Variants in COL4A5 observed in about 807,000 individuals in gnomAD.
COL4A5 encodes the protein collagen type IV alpha 5 chain.
In COL4A5, 26 loss-of-function variants were observed where a neutral mutation model predicts 130.2. The ratio of observed to expected loss-of-function variants is 0.20; its 90% confidence interval spans 0.15 to 0.28. The LOEUF (loss-of-function observed/expected upper bound fraction) is 0.28. Among genes scored for constraint, COL4A5 ranks in the 10% least tolerant of loss-of-function variants. COL4A5 has a pLI of 1.00. For missense variants in COL4A5, 1,131 were observed against 1,344.3 expected (o/e 0.84, Z 2.48); for synonymous variants, 496 against 439.6 (o/e 1.13, Z -1.60).
chrX:108,524,032 A>C (rs2065289800), intron 1 of COL4A5, among the ~76,000 whole-genome samples: 1 of 111,650 alleles, frequency 9.0e-6, no homozygotes, highest in Non-Finnish European at 1.9e-5. Context: ...TCTTTTTGAT[A>C]TGGATGGTTT....
At chrX:108,584,745 G>C (rs1238920606) in intron 18 of COL4A5, among the ~76,000 whole-genome samples, 1 of 110,477 alleles carries the variant, frequency 9.1e-6, no homozygotes, top group East Asian at 2.9e-4. Flanking sequence ...GCATGGTAAA[G>C]GTCTAAAATT....
chrX:108,597,458 A>G lies in COL4A5; in HGVS notation c.1669A>G (p.Lys557Glu). Reference protein sequence around the residue: ...PGDILTFPGMKGDKGELGSPG... With the variant: ...PGDILTFPGMEGDKGELGSPG... The stretch of plus-strand genomic sequence containing the variant: ...TGATATCCTCACTTTTCCAGGAATG[A>G]AGGGTGACAAAGGAGAGTTGGGTTC... The change falls in exon 24 of 53, where the codon AAG (lysine) becomes GAG (glutamate). Residue 557 changes from lysine (K) to glutamate (E), a missense_variant. Physicochemically the swap from Lys to Glu is moderately conservative, Grantham distance 56 (BLOSUM62 1). Coordinates refer to ENST00000328300, the MANE Select transcript of COL4A5 (RefSeq NM_033380.3). 8.3e-7 allele frequency: 1 copy of G among 1,209,898 alleles called. No individual in the cohort carries two copies. Among genetic ancestry groups the G allele is most frequent in the Non-Finnish European group, 1.1e-6 (1 of 894,493 alleles).
intron 2 of COL4A5, among the ~76,000 whole-genome samples, chrX:108,548,748 C>T (rs2065705427): frequency 3.6e-5 from 4 of 110,839 alleles, no homozygotes; most frequent in South Asian, 3.8e-4. Flanking sequence ...AAATTTACAC[C>T]GTGTATAGTG....
chrX:108,669,114 G>T (rs965719524), intron 41 of COL4A5, among the ~76,000 whole-genome samples: 3 of 112,069 alleles, frequency 2.7e-5, no homozygotes, highest in African/African-American at 9.7e-5. Context: ...CACTGCTCTA[G>T]TAGTCTCAGT....
intron 37 of COL4A5, among the ~76,000 whole-genome samples, chrX:108,663,429 A>C (rs771028393): frequency 2.7e-5 from 3 of 112,034 alleles, no homozygotes; most frequent in Non-Finnish European, 5.6e-5. Context: ...ATGGAATGGA[A>C]GATCAAAATT....
chrX:108,439,865 AG>A lies in COL4A5; in HGVS notation c.-260del. On this transcript the variant is annotated 5_prime_UTR_variant, in exon 1 of 53. Transcript: ENST00000328300. ...ATCTGTAGGAATTGAGTGAAGAAAA[AG>A]TTTGCAAGTCTGGACAGAAGGGAAA... The A allele has an allele frequency of 7.9e-6, 3 of 379,970 alleles. No homozygotes were observed. The highest frequency in any genetic ancestry group is 4.6e-6 in the Non-Finnish European group (1 of 218,099). The allele number at this position is 379,970 out of a possible 1,213,427, so 31.3% of individuals were successfully genotyped here. A position where few individuals can be genotyped will look rare whatever the true frequency, so the allele number is the denominator to read the frequency against.
At chrX:108,480,602 C>T (rs193029690) in intron 1 of COL4A5, among the ~76,000 whole-genome samples, 10 of 112,929 alleles carry the variant, frequency 8.9e-5, no homozygotes, top group Non-Finnish European at 1.3e-4. Context: ...CAAATTGCTT[C>T]GGGTGGGCCT....
chrX:108,583,969 T>C (rs1603285089), intron 17 of COL4A5, among the ~76,000 whole-genome samples: 1 of 108,980 alleles, frequency 9.2e-6, no homozygotes, highest in East Asian at 2.9e-4. Flanking sequence ...CTAGCTATTA[T>C]TGATGATAGT....
intron 42 of COL4A5, among the ~76,000 whole-genome samples, chrX:108,673,584 G>A (rs993795866): frequency 1.7e-4 from 19 of 109,829 alleles, no homozygotes; most frequent in African/African-American, 6.0e-4. Flanking sequence ...TTCGGGGTGG[G>A]ATATTGCATG....
At chrX:108,679,722 TGGGTGGCTGAG>T (rs1176936352) in intron 44 of COL4A5, among the ~76,000 whole-genome samples, 6 of 106,569 alleles carry the variant, frequency 5.6e-5, no homozygotes, top group Non-Finnish European at 1.1e-4. Flanking sequence ...TTCCTGTAGT[TGGGTGGCTGAG>T]GGGGGATGAT....
intron 2 of COL4A5, among the ~76,000 whole-genome samples, chrX:108,543,220 C>T (rs1477779967): frequency 9.0e-6 from 1 of 110,942 alleles, no homozygotes; most frequent in Non-Finnish European, 1.9e-5. Context: ...AGGTTTTCTT[C>T]TAGGGTTTTT....
intron 13 of COL4A5, among the ~76,000 whole-genome samples, 165 bp from the exon 14 acceptor site, chrX:108,580,368 A>G (rs1006789850): frequency 8.9e-6 from 1 of 112,146 alleles, no homozygotes; most frequent in Non-Finnish European, 1.9e-5. Context: ...TTGTTCATGC[A>G]TTAATTCACT....
intron 1 of COL4A5, among the ~76,000 whole-genome samples, chrX:108,481,011 G>A (rs2064884518): frequency 8.9e-6 from 1 of 111,793 alleles, no homozygotes; most frequent in Non-Finnish European, 1.9e-5. Flanking sequence ...CCAACGTGGG[G>A]GTTCTGCCAG....
Position 108,559,139 on chromosome X carries a change from C to T in COL4A5, c.217C>T (p.Pro73Ser). 1 of 1,207,135 alleles carries T rather than the reference C, an allele frequency of 8.3e-7. No homozygotes were observed. The highest frequency in any genetic ancestry group is 1.8e-5 in the South Asian group (1 of 56,868). ...GFPGPEGPPGPRGQKGDDGIP... is the reference protein window; with the variant it reads ...GFPGPEGPPGSRGQKGDDGIP... Reference sequence around the variant, plus strand: ...TCCAGGTCCAGAAGGGCCTCCGGGGCCTCGGGGACAAAAGGTATGTATCAT... The same window carrying T: ...TCCAGGTCCAGAAGGGCCTCCGGGGTCTCGGGGACAAAAGGTATGTATCAT... The change falls in exon 3 of 53, where the codon CCT (proline) becomes TCT (serine). Residue 73 changes from proline to serine, a missense_variant. Coordinates refer to ENST00000328300, the MANE Select transcript of COL4A5 (RefSeq NM_033380.3).
At chrX:108,651,121 G>T (rs1342802411) in intron 36 of COL4A5, among the ~76,000 whole-genome samples, 1 of 111,444 alleles carries the variant, frequency 9.0e-6, no homozygotes, top group African/African-American at 3.3e-5. Flanking sequence ...GAAATGTCCA[G>T]AATAGGCAAA....
chrX:108,597,364 T>C lies in COL4A5; in HGVS notation c.1588-13T>C. Reference sequence around the variant, plus strand: ...TTTCCACTCTTTTTTCTTTTTTTCCTTACTCATTTCAGGGCATTCCAGGAG... The same window carrying C: ...TTTCCACTCTTTTTTCTTTTTTTCCCTACTCATTTCAGGGCATTCCAGGAG... On this transcript the variant is annotated splice_polypyrimidine_tract_variant and intron_variant, in intron 23 of 52. Transcript: ENST00000328300. The C allele has an allele frequency of 1.7e-6, 2 of 1,202,865 alleles. No individual in the cohort carries two copies. Among genetic ancestry groups the C allele is most frequent in the Non-Finnish European group, 2.3e-6 (2 of 888,258 alleles).
rs767237373 is a variant in COL4A5 at position 108,543,311 on chromosome X, C to T, written c.141+3506C>T. The stretch of plus-strand genomic sequence containing the variant: ...AAGGTGTAAGGAAGGGATCCAGTTT[C>T]AGCTTTCTACATATGGCTAGGCAGT... On this transcript the variant is annotated intron_variant, in intron 2 of 52. Coordinates refer to ENST00000328300, the MANE Select transcript of COL4A5 (RefSeq NM_033380.3). 5.6e-4 allele frequency among the ~76,000 whole-genome samples: 63 copies of T among 111,935 alleles called. No individual in the cohort carries two copies. The East Asian group carries it at 0.016, about 29-fold the overall frequency.
At chrX:108,577,360 GA>G (rs1210779363) in intron 10 of COL4A5, among the ~76,000 whole-genome samples, 1 of 75,140 alleles carries the variant, frequency 1.3e-5, no homozygotes, top group Non-Finnish European at 2.4e-5. Context: ...CAACAAGAGG[GA>G]AACTCCTTCT....
intron 50 of COL4A5, among the ~76,000 whole-genome samples, chrX:108,693,184 A>G (rs2068664336): frequency 8.9e-6 from 1 of 111,846 alleles, no homozygotes; most frequent in South Asian, 3.7e-4. Context: ...TGTCTAATAT[A>G]TATCAGATTT....
Sources: gnomAD v4.1 joint callset for allele counts (sites outside exome capture counted in the v4.1 genomes callset) on GRCh38, gnomAD v4.1.1 for gene constraint, MANE v1.5 for transcripts, NCBI Gene and HGNC (gene_info 2026-07-23, HGNC 2026-07-21) for gene names.